Variants in RSRC1 observed in about 807,000 individuals in gnomAD.
RSRC1 encodes the protein arginine and serine rich coiled-coil 1.
Under a neutral mutation model 49.1 loss-of-function variants are expected in RSRC1, and 39 were observed. The observed-to-expected ratio is 0.79, with a 90% CI of 0.61 to 1.04. RSRC1 has a LOEUF of 1.04. Among genes scored for constraint, RSRC1 ranks in the 50% least tolerant of loss-of-function variants. The pLI, the probability that RSRC1 is intolerant of heterozygous loss-of-function variation, is 0.00. For synonymous variants in RSRC1, 143 were observed against 130.8 expected, an observed-to-expected ratio of 1.09 and a Z score of -0.63; for missense variants, 388 against 402.4, an observed-to-expected ratio of 0.96 and a Z score of 0.31.
chr3:158,458,039 A>C (rs1737431928), intron 6 of RSRC1, among the ~76,000 whole-genome samples: 1 of 152,106 alleles, frequency 6.6e-6, no homozygotes, highest in African/African-American at 2.4e-5. Context: ...ACTTTCCAAA[A>C]CAAGCCAAAG....
intron 1 of RSRC1, among the ~76,000 whole-genome samples, chr3:158,111,026 T>C (rs1218759593): frequency 6.6e-6 from 1 of 152,260 alleles, no homozygotes; most frequent in Non-Finnish European, 1.5e-5. Context: ...AACCCAATTG[T>C]GTTCCAGCTA....
chr3:158,170,284 A>G (rs1578158441), intron 3 of RSRC1, among the ~76,000 whole-genome samples: 1 of 142,308 alleles, frequency 7.0e-6, no homozygotes, highest in African/African-American at 2.6e-5. Flanking sequence ...CTTCTTTTAT[A>G]TGTTAACCTC....
intron 3 of RSRC1, among the ~76,000 whole-genome samples, chr3:158,182,500 A>G (rs1358795372): frequency 2.0e-5 from 3 of 152,036 alleles, no homozygotes; most frequent in Non-Finnish European, 4.4e-5. Flanking sequence ...CGTCTTAGGA[A>G]TTTTTTTAGT....
chr3:158,443,996 T>G (rs1736533016), intron 6 of RSRC1, among the ~76,000 whole-genome samples: 1 of 152,166 alleles, frequency 6.6e-6, no homozygotes, highest in Admixed American at 6.6e-5. Context: ...ATTAAGTTAA[T>G]TGCCCTATAT....
intron 5 of RSRC1, chr3:158,303,242 G>A (rs896045315): frequency 1.3e-5 from 2 of 152,104 alleles, no homozygotes; most frequent in African/African-American, 4.8e-5. Flanking sequence ...ATATTAAGTC[G>A]AGCTGTATGA....
intron 6 of RSRC1, among the ~76,000 whole-genome samples, chr3:158,357,157 T>A (rs1005167151): frequency 6.6e-6 from 1 of 152,200 alleles, no homozygotes; most frequent in African/African-American, 2.4e-5. Flanking sequence ...TTTTCCCTCT[T>A]ACCAATAACA....
rs2108225643 is a variant in RSRC1 at position 158,161,337 on chromosome 3, C to T, written c.320+37346C>T. 2.0e-5 allele frequency among the ~76,000 whole-genome samples: 3 copies of T among 152,256 alleles called. No homozygotes were observed. In the South Asian group the frequency reaches 6.2e-4, roughly 32 times the overall value. On this transcript the variant is annotated intron_variant, in intron 3 of 9. Transcript: ENST00000611884. ...CTACTCAAAACAGGTTTTTCTTAGA[C>T]AAAAGGAAAACAAGCCCAACTTCCT...
rs75542630 is a variant in RSRC1 at position 158,345,728 on chromosome 3, A to T, written c.532-9129A>T. Among the ~76,000 whole-genome samples the T allele has an allele frequency of 1.4e-3, 207 of 151,396 alleles. No individual in the cohort carries two copies. In the East Asian group the frequency reaches 0.037, roughly 27 times the overall value. The stretch of plus-strand genomic sequence containing the variant: ...TCACTATTGACAAATAGATCAATGG[A>T]TCATAATTAGAGTCTAGAAAGAGAC... On this transcript the variant is annotated intron_variant, in intron 5 of 9. Transcript: ENST00000611884.
intron 4 of RSRC1, among the ~76,000 whole-genome samples, chr3:158,219,390 GT>G (rs1011255325): frequency 6.6e-5 from 10 of 151,264 alleles, no homozygotes; most frequent in African/African-American, 2.4e-4. Flanking sequence ...CTTACATACA[GT>G]ACAGAGTCTT....
At chr3:158,208,991 T>C (rs1349996316) in intron 4 of RSRC1, among the ~76,000 whole-genome samples, 3 of 152,182 alleles carry the variant, frequency 2.0e-5, no homozygotes, top group Non-Finnish European at 4.4e-5. Flanking sequence ...TTTGAAAAAT[T>C]AGTTGTGAAC....
At chr3:158,418,365 A>T (rs1734859916) in intron 6 of RSRC1, among the ~76,000 whole-genome samples, 1 of 152,016 alleles carries the variant, frequency 6.6e-6, no homozygotes, top group South Asian at 2.1e-4. Flanking sequence ...TATCTGGAGA[A>T]ACAGGGAGAA....
intron 7 of RSRC1, among the ~76,000 whole-genome samples, chr3:158,497,441 A>AT (rs537452822): frequency 0.11 from 13,582 of 118,552 alleles, 910 homozygotes; most frequent in African/African-American, 0.19. Flanking sequence ...CCATTGTATC[A>AT]TTTTTTTTTT....
intron 7 of RSRC1, among the ~76,000 whole-genome samples, chr3:158,520,835 G>C (rs1318022439): frequency 3.3e-5 from 5 of 152,084 alleles, no homozygotes; most frequent in Admixed American, 6.6e-5. Flanking sequence ...CTATGTATGT[G>C]GGTATATATA....
intron 6 of RSRC1, among the ~76,000 whole-genome samples, chr3:158,361,609 C>T (rs370156967): frequency 2.6e-5 from 4 of 152,348 alleles, no homozygotes. Flanking sequence ...CAAAATTACT[C>T]AGCGGTTCTC....
intron 3 of RSRC1, among the ~76,000 whole-genome samples, chr3:158,197,490 C>A (rs1036006653): frequency 1.3e-5 from 2 of 151,980 alleles, no homozygotes; most frequent in African/African-American, 4.8e-5. Context: ...GATTTTTTGT[C>A]TCTATCTCCT....
In RSRC1 at chr3:158,118,462, T is replaced by TGTGTGTGTGTGCGC. The variant is rs1491469875; in HGVS notation, c.-2-3640_-2-3639insTGTGTGTGTGCGCG. The stretch of plus-strand genomic sequence containing the variant: ...GTGTGTGTGTGTGTGTGTGTGTGTG[T>TGTGTGTGTGTGCGC]GCGCGTGCGCGTGGTTTTTTTAAAT... On this transcript the variant is annotated intron_variant, in intron 1 of 9. Coordinates refer to ENST00000611884, the MANE Select transcript of RSRC1 (RefSeq NM_001271838.2). Among the ~76,000 whole-genome samples the TGTGTGTGTGTGCGC allele has an allele frequency of 7.3e-3, 914 of 124,664 alleles. 15 individuals are homozygous for TGTGTGTGTGTGCGC. The highest frequency in any genetic ancestry group is 0.01 in the Non-Finnish European group (615 of 61,256). 81.8% of individuals were successfully genotyped at this position (124,664 alleles called of 152,430 possible). A position where few individuals can be genotyped will look rare whatever the true frequency, so the allele number is the denominator to read the frequency against.
intron 7 of RSRC1, among the ~76,000 whole-genome samples, chr3:158,477,254 G>T (rs533530753): frequency 2.6e-5 from 4 of 152,090 alleles, no homozygotes; most frequent in African/African-American, 9.6e-5. Context: ...CAGTGGCAGG[G>T]TTTAAGATTG....
intron 6 of RSRC1, among the ~76,000 whole-genome samples, chr3:158,433,683 A>C (rs1344725667): frequency 6.6e-6 from 1 of 152,000 alleles, no homozygotes; most frequent in Non-Finnish European, 1.5e-5. Flanking sequence ...AGATTGAATA[A>C]TAATGGTTTG....
At chr3:158,166,062 A>G (rs947214239) in intron 3 of RSRC1, among the ~76,000 whole-genome samples, 2 of 152,210 alleles carry the variant, frequency 1.3e-5, no homozygotes, top group African/African-American at 4.8e-5. Context: ...AGAAGCATCT[A>G]TATCTAAGAT....
Sources: allele counts gnomAD v4.1 joint callset (sites outside exome capture counted in the v4.1 genomes callset), GRCh38; gene constraint gnomAD v4.1.1; transcripts MANE v1.5; gene names NCBI Gene and HGNC (gene_info 2026-07-23, HGNC 2026-07-21).